SASH3: variants seen among roughly 807,000 people sequenced by gnomAD.
SASH3 encodes SAM and SH3 domain-containing protein 3.
Under a neutral mutation model 26.1 loss-of-function variants are expected in SASH3, and 7 were observed. That is an observed-to-expected ratio of 0.27 (90% confidence interval 0.15 to 0.50). The LOEUF is 0.50. Ranked by LOEUF, SASH3 falls within the 20% of genes least tolerant of loss-of-function variation. SASH3 has a pLI of 0.98. For missense variants in SASH3, 231 were observed against 318.3 expected (o/e 0.73, Z 2.09); for synonymous variants, 138 against 136.8 (o/e 1.01, Z -0.06).
At chrX:129,783,874 G>T (rs1236293565) in intron 1 of SASH3, among the ~76,000 whole-genome samples, 4 of 111,793 alleles carry the variant, frequency 3.6e-5, no homozygotes, top group Non-Finnish European at 7.5e-5. Flanking sequence ...CTGAGAGATT[G>T]ATCAGGGCAT....
At chrX:129,790,018 T>C (rs1452517188) in intron 3 of SASH3, among the ~76,000 whole-genome samples, 7 of 112,169 alleles carry the variant, frequency 6.2e-5, no homozygotes, top group Non-Finnish European at 1.3e-4. Context: ...AGATGATTGC[T>C]TGAGCCCAGT....
At chrX:129,783,234 C>T (rs946594334) in intron 1 of SASH3, among the ~76,000 whole-genome samples, 2 of 111,542 alleles carry the variant, frequency 1.8e-5, no homozygotes, top group Non-Finnish European at 3.8e-5. Context: ...CTCTAACTTT[C>T]ATTCTTGTTC....
At chrX:129,783,356 T>C (rs1184431824) in intron 1 of SASH3, among the ~76,000 whole-genome samples, 2 of 111,886 alleles carry the variant, frequency 1.8e-5, no homozygotes, top group Non-Finnish European at 3.8e-5. Context: ...CACTCCCACC[T>C]GCTTTCCTAG....
At chrX:129,792,866 T>C in intron 6 of SASH3, 30 bp downstream of exon 6, 1 of 1,180,460 alleles carries the variant, frequency 8.5e-7, no homozygotes, top group Non-Finnish European at 1.1e-6. Flanking sequence ...TAGTATCTAG[T>C]ATCAGGGAGG....
chrX:129,793,752 T>G lies in SASH3; in HGVS notation c.1063T>G (p.Ser355Ala). Residue 355 changes from serine to alanine, a missense_variant, in exon 8 of 8, where the codon TCG (serine) becomes GCG (alanine). Coordinates refer to ENST00000356892, the MANE Select transcript of SASH3 (RefSeq NM_018990.4). Reference protein sequence around the residue: ...IPRDSGCFEGSESGRDDAELA... With the variant: ...IPRDSGCFEGAESGRDDAELA... ...GCGCGACTCAGGCTGCTTTGAGGGC[T>G]CGGAGAGCGGGCGCGATGACGCAGA... 8.3e-7 allele frequency: 1 copy of G among 1,210,623 alleles called. No individual in the cohort carries two copies. Among genetic ancestry groups the G allele is most frequent in the Non-Finnish European group, 1.1e-6 (1 of 894,999 alleles).
chrX:129,789,157 G>GAAAGAA (rs756749094), intron 3 of SASH3, among the ~76,000 whole-genome samples: 13 of 64,185 alleles, frequency 2.0e-4, no homozygotes, highest in African/African-American at 1.1e-3. Flanking sequence ...AAGAAAGAAA[G>GAAAGAA]AAAGAAAGAG....
chrX:129,788,185 C>G, intron 2 of SASH3, 115 bp downstream of exon 2: 1 of 617,910 alleles, frequency 1.6e-6, no homozygotes, highest in Non-Finnish European at 2.5e-6. Context: ...CCCCCTTTAA[C>G]ACAGAGGGTC....
At chrX:129,783,254 C>T (rs753665937) in intron 1 of SASH3, among the ~76,000 whole-genome samples, 5 of 111,469 alleles carry the variant, frequency 4.5e-5, no homozygotes, top group Non-Finnish European at 7.5e-5. Flanking sequence ...CAAACCCTTC[C>T]GAGCTCCACC....
At chrX:129,781,826 C>T (rs752622757) in intron 1 of SASH3, among the ~76,000 whole-genome samples, 26 of 112,280 alleles carry the variant, frequency 2.3e-4, no homozygotes, top group Non-Finnish European at 4.9e-4. Flanking sequence ...CTGCCAGAGC[C>T]GGTGCCAGCC....
intron 1 of SASH3, among the ~76,000 whole-genome samples, chrX:129,783,783 G>T (rs1047300145): frequency 9.0e-6 from 1 of 111,245 alleles, no homozygotes; most frequent in African/African-American, 3.3e-5. Context: ...AGCAGAGGGG[G>T]TAGCTCAGGA....
At chrX:129,780,368 TC>T (rs774895256) in intron 1 of SASH3, among the ~76,000 whole-genome samples, 1 of 111,085 alleles carries the variant, frequency 9.0e-6, no homozygotes, top group East Asian at 2.8e-4. Flanking sequence ...ACAGAATAGA[TC>T]CTTAGAAATC....
rs771330537 is a variant in SASH3 at position 129,794,207 on chromosome X, C to T, written c.*375C>T. On this transcript the variant is annotated 3_prime_UTR_variant, in exon 8 of 8. Transcript: ENST00000356892. ...ATCCTCCTCACCCCCACACCACCTACCCCTGTCGCACTGCTCCTGAAAAGG... is the reference window on the plus strand; with the variant it reads ...ATCCTCCTCACCCCCACACCACCTATCCCTGTCGCACTGCTCCTGAAAAGG... 1.9e-4 allele frequency: 43 copies of T among 220,552 alleles called. No homozygotes were observed. The highest frequency in any genetic ancestry group is 2.9e-4 in the Non-Finnish European group (35 of 120,107). 18.2% of individuals were successfully genotyped at this position (220,552 alleles called of 1,213,427 possible). A position where few individuals can be genotyped will look rare whatever the true frequency, so the allele number is the denominator to read the frequency against.
At chrX:129,790,762 A>G (rs978745576) in intron 3 of SASH3, among the ~76,000 whole-genome samples, 178 bp from the exon 4 acceptor site, 21 of 110,868 alleles carry the variant, frequency 1.9e-4, no homozygotes, top group African/African-American at 6.9e-4. Flanking sequence ...AAGGACTGTC[A>G]CTCTCATTTT....
intron 2 of SASH3, 41 bp downstream of exon 2, chrX:129,788,111 C>T: frequency 2.4e-5 from 4 of 165,653 alleles, no homozygotes; most frequent in South Asian, 7.2e-5. Context: ...GCTGCAGGCC[C>T]TGGGCAGGGG....
chrX:129,793,095 G>A lies in SASH3; in HGVS notation c.908G>A (p.Arg303Gln), dbSNP rs749142379. 71 of 1,209,630 alleles carry A rather than the reference G, an allele frequency of 5.9e-5. No individual in the cohort carries two copies. Among genetic ancestry groups the A allele is most frequent in the Middle Eastern group, 4.6e-4 (2 of 4,353 alleles). Residue 303 changes from arginine (R) to glutamine (Q), a missense_variant, in exon 7 of 8, where the codon CGG becomes CAG. Physicochemically the swap from Arg to Gln is conservative, Grantham distance 43. Coordinates refer to ENST00000356892, the MANE Select transcript of SASH3 (RefSeq NM_018990.4). ...NELNIMDPQH[R>Q]AKLLTAAELL... ...CTGAACATCATGGATCCACAGCACC[G>A]GGCCAAGCTGCTCACGGCCGCCGAG...
chrX:129,780,865 G>A (rs779721395), intron 1 of SASH3, among the ~76,000 whole-genome samples: 3 of 112,348 alleles, frequency 2.7e-5, no homozygotes, highest in Middle Eastern at 4.6e-3. Flanking sequence ...GGCTGAGGAG[G>A]GAGGATTTTA....
chrX:129,789,101 CAA>C (rs1247572106), intron 3 of SASH3, among the ~76,000 whole-genome samples: 269 of 23,322 alleles, frequency 0.012, 9 homozygotes, highest in African/African-American at 0.026. Context: ...GACTCTGTCT[CAA>C]AAAAAAAAAG....
At position 129,792,393 on chromosome X, in the gene SASH3, T is replaced by C; in HGVS notation, c.508T>C (p.Tyr170His). ...CGGGGAGGAACCACCTGCCCCCCAGTACACAGGGCCTTTCTGTGGCCGGGC... is the reference window on the plus strand; with the variant it reads ...CGGGGAGGAACCACCTGCCCCCCAGCACACAGGGCCTTTCTGTGGCCGGGC... ...SFGEEPPAPQ[Y>H]TGPFCGRARV... is the part of the protein sequence containing the mutation. Residue 170 changes from tyrosine (Y) to histidine (H), a missense_variant, in exon 5 of 8, where the codon TAC becomes CAC. Coordinates refer to ENST00000356892, the MANE Select transcript of SASH3 (RefSeq NM_018990.4). 8.3e-7 allele frequency: 1 copy of C among 1,211,499 alleles called. No homozygotes were observed. Among genetic ancestry groups the C allele is most frequent in the Non-Finnish European group, 1.1e-6 (1 of 895,284 alleles).
intron 1 of SASH3, among the ~76,000 whole-genome samples, chrX:129,782,021 C>T (rs1739480221): frequency 8.9e-6 from 1 of 112,488 alleles, no homozygotes; most frequent in African/African-American, 3.2e-5. Flanking sequence ...GAGGAAAGCA[C>T]AAAGGCAAGA....
Sources: allele counts gnomAD v4.1 joint callset (sites outside exome capture counted in the v4.1 genomes callset), GRCh38; gene constraint gnomAD v4.1.1; transcripts MANE v1.5; gene names NCBI Gene and HGNC (gene_info 2026-07-23, HGNC 2026-07-21).